Variants in FNDC1 observed in about 807,000 individuals in gnomAD.
FNDC1 encodes fibronectin type III domain-containing protein 1.
In FNDC1, 96 loss-of-function variants were observed where a neutral mutation model predicts 168.0. The ratio of observed to expected loss-of-function variants is 0.57; its 90% CI spans 0.48 to 0.68. The LOEUF is 0.68. Ranked by LOEUF, FNDC1 falls within the 30% of genes least tolerant of loss-of-function variation. The pLI, the probability that FNDC1 is intolerant of heterozygous loss-of-function variation, is 0.00. For missense variants in FNDC1, 2,587 were observed against 2,482.1 expected (o/e 1.04, Z -0.90); for synonymous variants, 1,099 against 1,025.9 (o/e 1.07, Z -1.36).
At chr6:159,195,073 G>A (rs1257876987) in intron 1 of FNDC1, among the ~76,000 whole-genome samples, 1 of 152,084 alleles carries the variant, frequency 6.6e-6, no homozygotes, top group Non-Finnish European at 1.5e-5. Flanking sequence ...TTTGGCTTAA[G>A]GCATTTTGAG....
intron 18 of FNDC1, among the ~76,000 whole-genome samples, chr6:159,257,155 G>T (rs188747151): frequency 2.8e-4 from 43 of 152,310 alleles, no homozygotes; most frequent in Non-Finnish European, 5.6e-4. Context: ...TATTGCCCTT[G>T]GCATGAAATA....
intron 1 of FNDC1, among the ~76,000 whole-genome samples, chr6:159,172,655 G>A (rs1781685060): frequency 6.6e-6 from 1 of 152,184 alleles, no homozygotes; most frequent in African/African-American, 2.4e-5. Context: ...AATCTTGCAT[G>A]GGTAAAAGGT....
chr6:159,250,187 A>G (rs1051095655), intron 16 of FNDC1, among the ~76,000 whole-genome samples: 1 of 152,196 alleles, frequency 6.6e-6, no homozygotes, highest in Admixed American at 6.5e-5. Context: ...TCTAAAGCAT[A>G]GGAGCCCACT....
At chr6:159,205,992 C>G (rs1271506119) in intron 4 of FNDC1, among the ~76,000 whole-genome samples, 1 of 152,256 alleles carries the variant, frequency 6.6e-6, no homozygotes, top group Admixed American at 6.5e-5. Context: ...CCAGGGCCCC[C>G]TTGTTGGGTG....
intron 18 of FNDC1, among the ~76,000 whole-genome samples, chr6:159,256,964 C>T (rs1777387980): frequency 6.6e-6 from 1 of 152,198 alleles, no homozygotes; most frequent in Non-Finnish European, 1.5e-5. Context: ...GGCATCATGA[C>T]CTTCATATGT....
At chr6:159,224,777 A>T (rs529120763) in intron 7 of FNDC1, among the ~76,000 whole-genome samples, 10 of 152,336 alleles carry the variant, frequency 6.6e-5, no homozygotes, top group African/African-American at 2.4e-4. Flanking sequence ...CAAATAGCAC[A>T]TTTTTTAATG....
chr6:159,185,308 C>G (rs1781972440), intron 1 of FNDC1, among the ~76,000 whole-genome samples: 1 of 152,112 alleles, frequency 6.6e-6, no homozygotes, highest in Non-Finnish European at 1.5e-5. Flanking sequence ...CAGAGGGGAT[C>G]CCTTAAAAAT....
rs142733728 is a variant in FNDC1, at chr6:159,200,629, G to A, written c.460+48G>A. On this transcript the variant is annotated intron_variant, in intron 4 of 22. Coordinates refer to ENST00000297267, the MANE Select transcript of FNDC1 (RefSeq NM_032532.3). ...AGATTCATGTTTTCACTGAAGCATCGTCTCGCAAGAGAGTTGTGCTTCCGT... is the reference window on the plus strand; with the variant it reads ...AGATTCATGTTTTCACTGAAGCATCATCTCGCAAGAGAGTTGTGCTTCCGT... The A allele has an allele frequency of 1.2e-3, 1,667 of 1,443,288 alleles. 4 individuals are homozygous for A. The highest frequency in any genetic ancestry group is 1.1e-3 in the Non-Finnish European group (1,170 of 1,049,604). 89.4% of individuals were successfully genotyped at this position (1,443,288 alleles called of 1,614,324 possible). A position where few individuals can be genotyped will look rare whatever the true frequency, so the allele number is the denominator to read the frequency against.
At chr6:159,184,195 A>G (rs1456747460) in intron 1 of FNDC1, among the ~76,000 whole-genome samples, 1 of 152,262 alleles carries the variant, frequency 6.6e-6, no homozygotes, top group Non-Finnish European at 1.5e-5. Flanking sequence ...AACACAGCTC[A>G]TTTTAAATCA....
chr6:159,231,965 C>T lies in FNDC1; in HGVS notation c.1453C>T (p.Pro485Ser). ...PEPSSPSPRA[P>S]ASSQHPSVPA... ...GCCTTCCTCACCTTCTCCCAGAGCT[C>T]CAGCTTCCTCCCAACACCCCTCTGT... Residue 485 changes from proline to serine, a missense_variant, in exon 11 of 23, where the codon CCA becomes TCA. Pro to Ser is a moderately conservative substitution (Grantham distance 74). Coordinates refer to ENST00000297267, the MANE Select transcript of FNDC1 (RefSeq NM_032532.3). 2 of 1,613,986 alleles carry T rather than the reference C, an allele frequency of 1.2e-6. No homozygotes were observed. The highest frequency in any genetic ancestry group is 1.7e-6 in the Non-Finnish European group (2 of 1,179,892).
Position 159,234,059 on chromosome 6 carries a change from G to A in FNDC1, c.3547G>A (p.Glu1183Lys). The change falls in exon 11 of 23, where the codon GAG becomes AAG. Residue 1183 changes from glutamate (E) to lysine (K), a missense_variant. By Grantham distance (56) the Glu-to-Lys change is moderately conservative. Coordinates refer to ENST00000297267, the MANE Select transcript of FNDC1 (RefSeq NM_032532.3). ...GGTCTCAGCCGAGGACGACGAGGAGGAGGACGCGGGATTTTTTAAAGGCGG... is the reference window on the plus strand; with the variant it reads ...GGTCTCAGCCGAGGACGACGAGGAGAAGGACGCGGGATTTTTTAAAGGCGG... ...QSVSAEDDEEEDAGFFKGGKE... is the reference protein window; with the variant it reads ...QSVSAEDDEEKDAGFFKGGKE... 2.5e-6 allele frequency: 4 copies of A among 1,612,624 alleles called. No individual in the cohort carries two copies. Among genetic ancestry groups the A allele is most frequent in the Non-Finnish European group, 1.7e-6 (2 of 1,179,462 alleles).
chr6:159,260,473 G>A (rs1372256583), intron 18 of FNDC1, among the ~76,000 whole-genome samples: 3 of 152,082 alleles, frequency 2.0e-5, no homozygotes, highest in Admixed American at 6.5e-5. Context: ...CTCTCTCTCC[G>A]GATCTTTCCC....
chr6:159,189,695 A>G (rs1278188977), intron 1 of FNDC1, among the ~76,000 whole-genome samples: 1 of 152,226 alleles, frequency 6.6e-6, no homozygotes, highest in Non-Finnish European at 1.5e-5. Context: ...CGAATAGTAT[A>G]AGAAGTAAAG....
At chr6:159,216,090 T>A (rs979252165) in intron 5 of FNDC1, among the ~76,000 whole-genome samples, 1 of 152,074 alleles carries the variant, frequency 6.6e-6, no homozygotes, top group Non-Finnish European at 1.5e-5. Flanking sequence ...GCCTCCCGAG[T>A]AGCTGGGACT....
chr6:159,201,626 A>G (rs1179039159), intron 4 of FNDC1, among the ~76,000 whole-genome samples: 1 of 152,260 alleles, frequency 6.6e-6, no homozygotes, highest in Non-Finnish European at 1.5e-5. Context: ...ATTAGCAGAA[A>G]GAAGATCAGG....
At chr6:159,269,621 A>G (rs1214029993) in intron 22 of FNDC1, among the ~76,000 whole-genome samples, 15 of 150,940 alleles carry the variant, frequency 9.9e-5, no homozygotes, top group East Asian at 7.8e-4. Context: ...CTATCTATCT[A>G]TCTATCTATC....
chr6:159,216,236 A>G (rs543595557), intron 5 of FNDC1, among the ~76,000 whole-genome samples: 17 of 152,344 alleles, frequency 1.1e-4, no homozygotes, highest in African/African-American at 4.1e-4. Flanking sequence ...TGCTGGGATT[A>G]CAGGTGTGAG....
chr6:159,171,602 A>G (rs915065730), intron 1 of FNDC1, among the ~76,000 whole-genome samples: 1 of 152,222 alleles, frequency 6.6e-6, no homozygotes, highest in African/African-American at 2.4e-5. Context: ...AAAGCAGGAC[A>G]CACTGAAGAT....
intron 4 of FNDC1, among the ~76,000 whole-genome samples, chr6:159,201,764 A>C (rs1262145068): frequency 6.6e-6 from 1 of 152,250 alleles, no homozygotes; most frequent in East Asian, 1.9e-4. Flanking sequence ...ACATGTAAAC[A>C]GACACGTGTG....
Sources: allele counts gnomAD v4.1 joint callset (sites outside exome capture counted in the v4.1 genomes callset), GRCh38; gene constraint gnomAD v4.1.1; transcripts MANE v1.5; gene names NCBI Gene and HGNC (gene_info 2026-07-23, HGNC 2026-07-21).